APP: variants seen among roughly 807,000 people sequenced by gnomAD.
The protein encoded by APP is amyloid beta precursor protein.
A neutral mutation model predicts 101.4 loss-of-function variants in APP; 31 were observed. That is an observed-to-expected ratio of 0.31 (90% CI 0.23 to 0.41). The LOEUF is 0.41. Ranked by LOEUF, APP falls within the 10% of genes least tolerant of loss-of-function variation. The pLI is 1.00. For synonymous variants in APP, 366 were observed against 364.4 expected, an observed-to-expected ratio of 1.00 and a Z score of -0.05; for missense variants, 839 against 1,003.7, an observed-to-expected ratio of 0.84 and a Z score of 2.22.
At chr21:25,939,447 G>A (rs2040486161) in intron 13 of APP, among the ~76,000 whole-genome samples, 1 of 152,156 alleles carries the variant, frequency 6.6e-6, no homozygotes, top group Non-Finnish European at 1.5e-5. Flanking sequence ...ATACCTAAAG[G>A]ATCTACTTCA....
intron 14 of APP, among the ~76,000 whole-genome samples, chr21:25,905,576 A>G (rs373623052): frequency 1.3e-5 from 2 of 152,236 alleles, no homozygotes; most frequent in Non-Finnish European, 2.9e-5. Context: ...GTTTTACTAT[A>G]TAATCTGCCA....
intron 6 of APP, among the ~76,000 whole-genome samples, chr21:26,017,519 A>T (rs553745133): frequency 6.6e-6 from 1 of 152,162 alleles, no homozygotes; most frequent in Non-Finnish European, 1.5e-5. Flanking sequence ...CCAGGAGGTA[A>T]AATGCTGTCT....
At chr21:25,993,568 G>A (rs549577707) in intron 8 of APP, among the ~76,000 whole-genome samples, 1 of 152,320 alleles carries the variant, frequency 6.6e-6, no homozygotes, top group Admixed American at 6.5e-5. Context: ...ACTTTACCTT[G>A]CAAATATTGA....
intron 11 of APP, among the ~76,000 whole-genome samples, chr21:25,968,300 A>G (rs1400712988): frequency 1.3e-5 from 2 of 149,114 alleles, no homozygotes; most frequent in East Asian, 2.0e-4. Flanking sequence ...GCGCACCATC[A>G]TGCCTGGCTA....
intron 13 of APP, among the ~76,000 whole-genome samples, chr21:25,944,656 A>C (rs182211976): frequency 4.7e-4 from 72 of 152,318 alleles, no homozygotes; most frequent in Admixed American, 4.6e-3. Flanking sequence ...TTCAAAATTA[A>C]TCTCAATTTG....
chr21:26,158,909 C>T (rs2063428640), intron 1 of APP, among the ~76,000 whole-genome samples: 1 of 152,144 alleles, frequency 6.6e-6, no homozygotes. Context: ...TCTCTTTCTT[C>T]CTCCACTGGA....
intron 1 of APP, among the ~76,000 whole-genome samples, chr21:26,155,196 A>C (rs2063350015): frequency 6.6e-6 from 1 of 152,242 alleles, no homozygotes; most frequent in African/African-American, 2.4e-5. Flanking sequence ...GGTTGCAATG[A>C]GCCAAGATTG....
chr21:26,131,720 C>G (rs1294202858), intron 1 of APP, among the ~76,000 whole-genome samples: 1 of 152,204 alleles, frequency 6.6e-6, no homozygotes, highest in Non-Finnish European at 1.5e-5. Context: ...TCTGAGAGAT[C>G]TAACCAACTG....
chr21:25,986,772 A>C (rs569752553), intron 8 of APP, among the ~76,000 whole-genome samples: 2 of 152,296 alleles, frequency 1.3e-5, no homozygotes, highest in Admixed American at 1.3e-4. Flanking sequence ...TAAATAAATA[A>C]ATAAAGGCTA....
Position 26,046,116 on chromosome 21 carries a change from G to A in APP, c.662+4884C>T, listed in dbSNP as rs148255556. On this transcript the variant is annotated intron_variant, in intron 5 of 17. Transcript: ENST00000346798. ...CCCCATGATTCAATTGCCTCCCACC[G>A]AGTCCCTTCCACAACACATGGGAAT... Among the ~76,000 whole-genome samples, 660 of 151,886 alleles carry A rather than the reference G, an allele frequency of 4.3e-3. 9 individuals carry two copies. Among genetic ancestry groups the A allele is most frequent in the African/African-American group, 0.015 (610 of 41,410 alleles).
At chr21:26,164,530 A>C (rs367646510) in intron 1 of APP, among the ~76,000 whole-genome samples, 19 of 152,342 alleles carry the variant, frequency 1.2e-4, no homozygotes, top group East Asian at 7.7e-4. Context: ...ATAGTTAATA[A>C]TCAAGCCAGT....
chr21:26,136,173 G>GA lies in APP; in HGVS notation c.58-24028dup, dbSNP rs370440645. 2.6e-4 allele frequency among the ~76,000 whole-genome samples: 13 copies of GA among 50,636 alleles called. No homozygotes were observed. The East Asian group carries it at 6.0e-3, about 24-fold the overall frequency. 33.2% of individuals were successfully genotyped at this position (50,636 alleles called of 152,430 possible). A position where few individuals can be genotyped will look rare whatever the true frequency, so the allele number is the denominator to read the frequency against. On this transcript the variant is annotated intron_variant, in intron 1 of 17. Transcript: ENST00000346798. ...AGAAAAGAAAAGAAAAGAAAGAAAA[G>GA]AAAGAAAGAAAGAAAGAAAGAAAGA...
At chr21:25,888,252 G>C (rs998324177) in intron 17 of APP, among the ~76,000 whole-genome samples, 1 of 152,200 alleles carries the variant, frequency 6.6e-6, no homozygotes, top group Non-Finnish European at 1.5e-5. Flanking sequence ...TGTTAAGGTA[G>C]GAAGAGGATG....
intron 1 of APP, among the ~76,000 whole-genome samples, chr21:26,170,231 C>T (rs1369354728): frequency 6.6e-6 from 1 of 152,150 alleles, no homozygotes; most frequent in Non-Finnish European, 1.5e-5. Context: ...GTCTGAATGT[C>T]TCTCGCCTCC....
chr21:25,961,870 C>T (rs575161115), intron 11 of APP, among the ~76,000 whole-genome samples: 55 of 151,706 alleles, frequency 3.6e-4, no homozygotes, highest in African/African-American at 1.3e-3. Flanking sequence ...CAGTGGCTCA[C>T]GAAAAGGATA....
chr21:25,933,427 C>T (rs2040231297), intron 13 of APP, among the ~76,000 whole-genome samples: 1 of 152,168 alleles, frequency 6.6e-6, no homozygotes, highest in African/African-American at 2.4e-5. Context: ...TAGAAACTTT[C>T]AAATTAGGTT....
At chr21:26,080,514 A>C (rs2061576097) in intron 3 of APP, among the ~76,000 whole-genome samples, 1 of 151,982 alleles carries the variant, frequency 6.6e-6, no homozygotes, top group Non-Finnish European at 1.5e-5. Flanking sequence ...CATGCCTGTA[A>C]TCTCAGTACT....
intron 5 of APP, among the ~76,000 whole-genome samples, chr21:26,040,165 T>C (rs2045308886): frequency 6.6e-6 from 1 of 152,228 alleles, no homozygotes; most frequent in Non-Finnish European, 1.5e-5. Flanking sequence ...TTTGTATACA[T>C]TGAACACATA....
At chr21:25,960,115 A>C (rs1226272622) in intron 11 of APP, among the ~76,000 whole-genome samples, 1 of 42 alleles carries the variant, frequency 0.024, no homozygotes, top group African/African-American at 0.062. Context: ...ACTCAAAATT[A>C]CAAAGTTTCC....
Sources: allele counts gnomAD v4.1 joint callset (sites outside exome capture counted in the v4.1 genomes callset), GRCh38; gene constraint gnomAD v4.1.1; transcripts MANE v1.5; gene names NCBI Gene and HGNC (gene_info 2026-07-23, HGNC 2026-07-21).